The following SUGCT variants were observed in gnomAD, a reference collection of about 807,000 sequenced individuals.
SUGCT encodes succinyl-CoA:glutarate CoA-transferase.
Under a neutral mutation model 55.0 loss-of-function variants are expected in SUGCT, and 41 were observed. That is an observed-to-expected ratio of 0.74 (90% confidence interval 0.58 to 0.97). SUGCT has a LOEUF of 0.97. Ranked by LOEUF, SUGCT falls within the 50% of genes least tolerant of loss-of-function variation. The pLI is 0.00. For missense variants in SUGCT, 568 were observed against 547.8 expected (o/e 1.04, Z -0.37); for synonymous variants, 187 against 200.4 (o/e 0.93, Z 0.56).
chr7:40,735,134 T>G (rs1275531370), intron 12 of SUGCT, among the ~76,000 whole-genome samples: 2 of 152,172 alleles, frequency 1.3e-5, no homozygotes, highest in Non-Finnish European at 2.9e-5. Flanking sequence ...ACTCCTGTGC[T>G]GGAGGGGAAA....
At chr7:40,949,962 C>T in the SUGCT span, among the ~76,000 whole-genome samples, 1 of 152,188 alleles carries the variant, frequency 6.6e-6, no homozygotes, top group Non-Finnish European at 1.5e-5. Context: ...ACCATATGAA[C>T]TTTAAAGTAG....
At chr7:40,289,257 A>C (rs1260468765) in intron 8 of SUGCT, among the ~76,000 whole-genome samples, 7 of 152,126 alleles carry the variant, frequency 4.6e-5, no homozygotes, top group Non-Finnish European at 8.8e-5. Context: ...CGAGAGTATC[A>C]GAATCATTAC....
chr7:40,236,086 C>T (rs893303138), intron 6 of SUGCT, among the ~76,000 whole-genome samples: 1 of 152,024 alleles, frequency 6.6e-6, no homozygotes, highest in Non-Finnish European at 1.5e-5. Flanking sequence ...GAGGCAGAGT[C>T]TTTCTCTGTT....
chr7:40,867,447 G>A, the SUGCT span, among the ~76,000 whole-genome samples: 1 of 151,874 alleles, frequency 6.6e-6, no homozygotes, highest in Non-Finnish European at 1.5e-5. Context: ...GAACATGAGT[G>A]AAACCTATTT....
intron 12 of SUGCT, among the ~76,000 whole-genome samples, chr7:40,720,263 G>C (rs1001602183): frequency 6.6e-6 from 1 of 152,154 alleles, no homozygotes; most frequent in African/African-American, 2.4e-5. Flanking sequence ...TGTTAGATCT[G>C]TATTTGTCAA....
At chr7:40,477,775 C>G (rs1456701585) in intron 11 of SUGCT, among the ~76,000 whole-genome samples, 1 of 152,100 alleles carries the variant, frequency 6.6e-6, no homozygotes, top group Non-Finnish European at 1.5e-5. Context: ...ACAGAAAAAT[C>G]AAAGAGAAGT....
At chr7:40,764,543 T>C (rs960334677) in intron 13 of SUGCT, among the ~76,000 whole-genome samples, 1 of 152,074 alleles carries the variant, frequency 6.6e-6, no homozygotes, top group African/African-American at 2.4e-5. Flanking sequence ...AATGGTATAT[T>C]AGTACTGATG....
At chr7:40,324,251 A>AT (rs57798993) in intron 9 of SUGCT, among the ~76,000 whole-genome samples, 118 of 114,418 alleles carry the variant, frequency 1.0e-3, no homozygotes, top group African/African-American at 2.8e-3. Flanking sequence ...ATAAATAAAT[A>AT]AATATATATA....
the SUGCT span, among the ~76,000 whole-genome samples, chr7:40,877,756 G>T: frequency 1.9e-4 from 29 of 152,176 alleles, no homozygotes; most frequent in Non-Finnish European, 4.4e-5. Context: ...ATACTTGAGG[G>T]TTTACTCCAT....
chr7:40,650,896 T>C (rs1334794168), intron 12 of SUGCT, among the ~76,000 whole-genome samples: 1 of 152,086 alleles, frequency 6.6e-6, no homozygotes, highest in Non-Finnish European at 1.5e-5. Flanking sequence ...TAGGCAGCAG[T>C]GTGTGTTGTT....
At chr7:40,448,248 T>C (rs866300189) in intron 9 of SUGCT, among the ~76,000 whole-genome samples, 793 of 67,428 alleles carry the variant, frequency 0.012, 7 homozygotes, top group African/African-American at 0.047. Context: ...CTCCCTCCCT[T>C]CCTTCCTTCC....
At chr7:40,255,016 C>G (rs147936022) in intron 7 of SUGCT, among the ~76,000 whole-genome samples, 4 of 150,884 alleles carry the variant, frequency 2.7e-5, no homozygotes, top group Non-Finnish European at 4.4e-5. Flanking sequence ...CATCTGAGGT[C>G]GGGAGTTCGA....
rs1466264108 is a variant in SUGCT at position 40,576,793 on chromosome 7, G to T, written c.1089+80407G>T. Among the ~76,000 whole-genome samples the T allele has an allele frequency of 3.9e-5, 6 of 152,166 alleles. No individual in the cohort carries two copies. In the East Asian group the frequency reaches 1.2e-3, roughly 29 times the overall value. The stretch of plus-strand genomic sequence containing the variant: ...TAGCAGAGTTGCTCTGGTTGTAGTA[G>T]GGGAGAAGGCCTGGTCCCTGCCTCC... On this transcript the variant is annotated intron_variant, in intron 12 of 13. Coordinates refer to ENST00000335693, the MANE Select transcript of SUGCT (RefSeq NM_001193313.2).
chr7:40,977,815 C>A, the SUGCT span, among the ~76,000 whole-genome samples: 1 of 152,164 alleles, frequency 6.6e-6, no homozygotes, highest in Non-Finnish European at 1.5e-5. Flanking sequence ...AAATCCCTAC[C>A]TGGGCAGATC....
intron 13 of SUGCT, among the ~76,000 whole-genome samples, chr7:40,784,000 A>C (rs1326741166): frequency 2.0e-5 from 3 of 152,200 alleles, no homozygotes; most frequent in Non-Finnish European, 2.9e-5. Flanking sequence ...GCTAAGCATG[A>C]GTGTATGACT....
At chr7:40,905,637 A>G in the SUGCT span, among the ~76,000 whole-genome samples, 14 of 152,196 alleles carry the variant, frequency 9.2e-5, no homozygotes, top group African/African-American at 3.4e-4. Context: ...ATTTCCTGGC[A>G]TCTAATAGGT....
the SUGCT span, among the ~76,000 whole-genome samples, chr7:40,896,237 T>C: frequency 6.6e-6 from 1 of 152,216 alleles, no homozygotes; most frequent in Non-Finnish European, 1.5e-5. Flanking sequence ...CAATCCCATT[T>C]ATGACAGCAT....
chr7:40,553,493 TAATATATGAG>T (rs1180350575), intron 12 of SUGCT, among the ~76,000 whole-genome samples: 3 of 152,218 alleles, frequency 2.0e-5, no homozygotes, highest in African/African-American at 7.2e-5. Flanking sequence ...TTTTTTATAA[TAATATATGAG>T]AATTTCTCCA....
chr7:40,772,395 C>A (rs905962501), intron 13 of SUGCT, among the ~76,000 whole-genome samples: 1 of 152,138 alleles, frequency 6.6e-6, no homozygotes, highest in Admixed American at 6.5e-5. Context: ...CATGTTTGAG[C>A]TCACAAGCAA....
Sources: gnomAD v4.1 joint callset for allele counts (sites outside exome capture counted in the v4.1 genomes callset) on GRCh38, gnomAD v4.1.1 for gene constraint, MANE v1.5 for transcripts, NCBI Gene and HGNC (gene_info 2026-07-23, HGNC 2026-07-21) for gene names.